The following TAF2 variants were observed in gnomAD, a reference collection of about 807,000 sequenced individuals.
TAF2 encodes the protein transcription initiation factor TFIID subunit 2.
Under a neutral mutation model 138.5 loss-of-function variants are expected in TAF2, and 61 were observed. The ratio of observed to expected loss-of-function variants is 0.44; its 90% CI spans 0.36 to 0.54. The LOEUF is 0.54. Ranked by LOEUF, TAF2 falls within the 20% of genes least tolerant of loss-of-function variation. The probability of loss-of-function intolerance (pLI) is 0.00; values close to 1 mark genes in which losing one functional copy is unlikely to be tolerated. For missense variants in TAF2, 1,090 were observed against 1,427.9 expected, an observed-to-expected ratio of 0.76 and a Z score of 3.81; for synonymous variants, 475 against 469.9, an observed-to-expected ratio of 1.01 and a Z score of -0.14.
chr8:119,743,895 C>T (rs1819769763), intron 24 of TAF2, among the ~76,000 whole-genome samples: 1 of 152,000 alleles, frequency 6.6e-6, no homozygotes, highest in Admixed American at 6.5e-5. Flanking sequence ...AAATGACTGA[C>T]ATAATATTAT....
chr8:119,760,725 T>C lies in TAF2; in HGVS notation c.2572A>G (p.Ile858Val), dbSNP rs1232788644. 6.2e-6 allele frequency: 10 copies of C among 1,613,846 alleles called. No individual in the cohort carries two copies. Among genetic ancestry groups the C allele is most frequent in the South Asian group, 4.4e-5 (4 of 91,088 alleles). Reference sequence around the variant, plus strand: ...TGTCCGTTCTTCTGAAGTACCCGTATGGCTCTCAAACAACTAGGGAAAAAA... The same window carrying C: ...TGTCCGTTCTTCTGAAGTACCCGTACGGCTCTCAAACAACTAGGGAAAAAA... ...HTITVSCLRA[I>V]RVLQKNGHVP... The change falls in exon 20 of 26, where the codon ATA becomes GTA. Residue 858 changes from isoleucine to valine, a missense_variant. This residue lies in a region of TAF2 where 580 missense variants were observed against 719.6 expected (regional missense o/e 0.81). Coordinates refer to ENST00000378164, the MANE Select transcript of TAF2 (RefSeq NM_003184.4).
intron 3 of TAF2, among the ~76,000 whole-genome samples, chr8:119,811,526 G>T (rs1825052935): frequency 6.6e-6 from 1 of 152,096 alleles, no homozygotes; most frequent in Non-Finnish European, 1.5e-5. Flanking sequence ...ACCAAAACAG[G>T]CCGGGCACGG....
chr8:119,796,229 T>C (rs972009491), intron 8 of TAF2, among the ~76,000 whole-genome samples: 4 of 152,050 alleles, frequency 2.6e-5, no homozygotes, highest in Admixed American at 2.6e-4. Context: ...TATTCTTTAA[T>C]GAAACTTCTA....
chr8:119,788,057 G>C (rs1298944135), intron 14 of TAF2, among the ~76,000 whole-genome samples: 2 of 152,044 alleles, frequency 1.3e-5, no homozygotes, highest in Non-Finnish European at 2.9e-5. Flanking sequence ...ACAGACACAG[G>C]GAGGGGAACA....
intron 25 of TAF2, 76 bp downstream of exon 25, chr8:119,742,458 T>C: frequency 1.3e-6 from 2 of 1,560,028 alleles, no homozygotes; most frequent in East Asian, 4.9e-5. Flanking sequence ...TTTTTTAAAG[T>C]TGATGAAGTA....
rs376744709 is a variant in TAF2, at chr8:119,797,700, A to G, written c.939T>C (p.Tyr313=). ...TGGAAGCATAAGCAGCCACTTCAAC[A>G]TAAGCCTCATCAATGAAGACAGTCT... is the stretch of plus-strand genomic sequence containing the variant. ...CFKTVFIDEA[Y]VEVAAYASMS... Residue 313 remains tyrosine (Y), a synonymous_variant, in exon 7 of 26, where the codon TAT becomes TAC. Coordinates refer to ENST00000378164, the MANE Select transcript of TAF2 (RefSeq NM_003184.4). 1.4e-5 allele frequency: 22 copies of G among 1,613,464 alleles called. No individual in the cohort carries two copies. In the African/African-American group the frequency reaches 2.9e-4, roughly 22 times the overall value.
Position 119,794,918 on chromosome 8 carries a change from C to T in TAF2, c.1191+614G>A, listed in dbSNP as rs148278835. The stretch of plus-strand genomic sequence containing the variant: ...TGTTTAATGAAGATATGAAAGGCTG[C>T]AATTCTTCCACCTGAGAAGGAAGAC... On this transcript the variant is annotated intron_variant, in intron 9 of 25. Transcript: ENST00000378164. Among the ~76,000 whole-genome samples the T allele has an allele frequency of 5.1e-4, 77 of 152,038 alleles. No individual in the cohort carries two copies. In the East Asian group the frequency reaches 0.011, roughly 21 times the overall value.
At chr8:119,772,510 A>G (rs959054611) in intron 18 of TAF2, among the ~76,000 whole-genome samples, 1 of 152,144 alleles carries the variant, frequency 6.6e-6, no homozygotes, top group Non-Finnish European at 1.5e-5. Flanking sequence ...AACGGTTACT[A>G]CTCGGGTAAT....
chr8:119,812,815 ACATACACAC>A (rs1214321694), intron 3 of TAF2, among the ~76,000 whole-genome samples: 11 of 44 alleles, frequency 0.25, no homozygotes, highest in Admixed American at 0.5. Context: ...CATACACCAC[ACATACACAC>A]CATTTCCTTT....
chr8:119,811,363 T>A (rs1335493039), intron 3 of TAF2, among the ~76,000 whole-genome samples: 1 of 152,186 alleles, frequency 6.6e-6, no homozygotes, highest in Non-Finnish European at 1.5e-5. Context: ...TTAAAAAATT[T>A]TTTATAGAAG....
At chr8:119,742,226 G>A (rs938649335) in intron 25 of TAF2, among the ~76,000 whole-genome samples, 5 of 152,168 alleles carry the variant, frequency 3.3e-5, no homozygotes, top group African/African-American at 9.6e-5. Flanking sequence ...AGAGCAAAAT[G>A]TTCATTATAA....
chr8:119,759,623 G>A (rs7011974), intron 20 of TAF2, among the ~76,000 whole-genome samples: 67,677 of 151,880 alleles, frequency 0.45, 15,535 homozygotes, highest in Admixed American at 0.54. Context: ...CAAATATTTA[G>A]GCTTAAGTAT....
Position 119,787,451 on chromosome 8 carries a change from A to G in TAF2, c.1793+887T>C, listed in dbSNP as rs184640334. On this transcript the variant is annotated intron_variant, in intron 14 of 25. Transcript: ENST00000378164. ...TAAAGATATGAACAGACACTTCTCA[A>G]AAGAAGACATTTATGCGGCAACAAA... 6.6e-4 allele frequency among the ~76,000 whole-genome samples: 100 copies of G among 152,344 alleles called. 1 individual carries two copies. The East Asian group carries it at 0.016, about 25-fold the overall frequency.
intron 10 of TAF2, among the ~76,000 whole-genome samples, chr8:119,792,309 G>A (rs1280767905): frequency 6.6e-6 from 1 of 151,722 alleles, no homozygotes; most frequent in Non-Finnish European, 1.5e-5. Flanking sequence ...CCACCACCAC[G>A]CCTGGCTAAT....
At chr8:119,803,772 G>A in intron 5 of TAF2, 106 bp downstream of exon 5, 1 of 1,103,672 alleles carries the variant, frequency 9.1e-7, no homozygotes, top group Non-Finnish European at 1.3e-6. Context: ...AAATTTGGAA[G>A]GGAATAAAAC....
intron 25 of TAF2, 112 bp from the exon 26 acceptor site, chr8:119,732,298 C>T: frequency 3.1e-6 from 3 of 960,328 alleles, no homozygotes; most frequent in Non-Finnish European, 3.3e-6. Context: ...GTTTTTATCA[C>T]TTCTATCAGG....
intron 2 of TAF2, among the ~76,000 whole-genome samples, chr8:119,824,123 C>G (rs1825952319): frequency 2.0e-5 from 3 of 151,954 alleles, no homozygotes; most frequent in African/African-American, 7.3e-5. Flanking sequence ...AATTTGCAGC[C>G]CGACAATGAT....
At chr8:119,831,761 G>A (rs1171340785) in intron 1 of TAF2, 30 bp from the exon 2 acceptor site, 4 of 1,401,018 alleles carry the variant, frequency 2.9e-6, no homozygotes, top group South Asian at 1.4e-5. Flanking sequence ...AAGAAAATAA[G>A]GAAAAAATAA....
At chr8:119,818,732 CCACACACACACA>C (rs199991010) in intron 3 of TAF2, among the ~76,000 whole-genome samples, 3 of 110,900 alleles carry the variant, frequency 2.7e-5, no homozygotes, top group Non-Finnish European at 5.4e-5. Flanking sequence ...AAAATGAAGT[CCACACACACACA>C]CACACACACA....
Sources: gnomAD v4.1 joint callset for allele counts (sites outside exome capture counted in the v4.1 genomes callset) on GRCh38, gnomAD v4.1.1 for gene constraint, gnomAD v4.1.1 regional missense constraint, MANE v1.5 for transcripts, NCBI Gene and HGNC (gene_info 2026-07-23, HGNC 2026-07-21) for gene names.